The following RYR3 variants were observed in gnomAD, a reference collection of about 807,000 sequenced individuals.
RYR3 encodes the protein ryanodine receptor 3.
In RYR3, 207 loss-of-function variants were observed where a neutral mutation model predicts 584.3. That is an observed-to-expected ratio of 0.35 (90% CI 0.32 to 0.40). RYR3 has a LOEUF of 0.40. Ranked by LOEUF, RYR3 falls within the 10% of genes least tolerant of loss-of-function variation. The probability of loss-of-function intolerance (pLI) is 1.00; values close to 1 mark genes in which losing one functional copy is unlikely to be tolerated. For synonymous variants in RYR3, 2,416 were observed against 2,248.5 expected, an observed-to-expected ratio of 1.07 and a Z score of -2.11; for missense variants, 5,616 against 6,089.2, an observed-to-expected ratio of 0.92 and a Z score of 2.59.
intron 42 of RYR3, among the ~76,000 whole-genome samples, chr15:33,704,628 A>G (rs1031146749): frequency 6.6e-6 from 1 of 152,236 alleles, no homozygotes; most frequent in Admixed American, 6.5e-5. Context: ...TTTAGGTGGT[A>G]TGACGATAAC....
chr15:33,789,142 G>A (rs935155351), intron 67 of RYR3, among the ~76,000 whole-genome samples: 1 of 152,046 alleles, frequency 6.6e-6, no homozygotes, highest in Non-Finnish European at 1.5e-5. Flanking sequence ...GGACCAAAAG[G>A]AGGCCAGTGT....
At chr15:33,705,422 T>C (rs2066630024) in intron 42 of RYR3, among the ~76,000 whole-genome samples, 1 of 147,120 alleles carries the variant, frequency 6.8e-6, no homozygotes, top group South Asian at 2.2e-4. Context: ...TGCTAGGCCC[T>C]GGAGGTTAAA....
rs117390738 is a variant in RYR3, at chr15:33,753,144, C to G, written c.8400-1921C>G. Among the ~76,000 whole-genome samples, 363 of 152,252 alleles carry G rather than the reference C, an allele frequency of 2.4e-3. 1 individual carries two copies. The highest frequency in any genetic ancestry group is 6.8e-3 in the Middle Eastern group (2 of 294). The stretch of plus-strand genomic sequence containing the variant: ...TCACCCATACCTAATTCAAAAATTA[C>G]GTATTTGGAAGCCTGCAATTGCAGG... On this transcript the variant is annotated intron_variant, in intron 57 of 103. Transcript: ENST00000634891.
chr15:33,444,482 A>G (rs8023659), intron 1 of RYR3, among the ~76,000 whole-genome samples: 20,679 of 152,108 alleles, frequency 0.14, 2,600 homozygotes, highest in African/African-American at 0.34. Flanking sequence ...TGTGCACATA[A>G]CTTAGCGCTA....
chr15:33,855,137 C>T (rs1567333544), intron 98 of RYR3, among the ~76,000 whole-genome samples: 1 of 152,094 alleles, frequency 6.6e-6, no homozygotes, highest in Non-Finnish European at 1.5e-5. Flanking sequence ...GATTCAGTGA[C>T]CCCTGACATT....
chr15:33,769,034 T>G (rs2073349789), intron 61 of RYR3, 78 bp from the exon 62 acceptor site: 1 of 1,065,696 alleles, frequency 9.4e-7, no homozygotes, highest in Non-Finnish European at 1.5e-6. Flanking sequence ...GGCTGTGGCT[T>G]GTGCATATGG....
chr15:33,731,097 A>G (rs754088002), intron 47 of RYR3, among the ~76,000 whole-genome samples: 5 of 152,220 alleles, frequency 3.3e-5, no homozygotes, highest in Non-Finnish European at 7.3e-5. Context: ...ATAGTAATGT[A>G]GTATCCTGGC....
At chr15:33,628,606 G>A in intron 21 of RYR3, 31 bp downstream of exon 21, 10 of 1,386,268 alleles carry the variant, frequency 7.2e-6, no homozygotes, top group Non-Finnish European at 1.0e-5. Context: ...TTAGGGTGGA[G>A]GGTGGGATTG....
intron 1 of RYR3, among the ~76,000 whole-genome samples, chr15:33,432,042 C>T (rs908554813): frequency 6.6e-6 from 1 of 152,118 alleles, no homozygotes; most frequent in Non-Finnish European, 1.5e-5. Context: ...TCATTGTTTA[C>T]CTTGCCTTCA....
chr15:33,712,760 G>T (rs2067214471), intron 43 of RYR3, among the ~76,000 whole-genome samples: 1 of 152,222 alleles, frequency 6.6e-6, no homozygotes, highest in Admixed American at 6.5e-5. Context: ...TTGGAGTAGA[G>T]AATGGAGTAA....
intron 2 of RYR3, among the ~76,000 whole-genome samples, chr15:33,488,646 A>T (rs1351780736): frequency 2.0e-5 from 3 of 152,082 alleles, no homozygotes; most frequent in Non-Finnish European, 4.4e-5. Flanking sequence ...AGGTCAGGAG[A>T]TCGAGACCAT....
chr15:33,833,127 A>G (rs2077806015), intron 86 of RYR3, among the ~76,000 whole-genome samples: 1 of 152,184 alleles, frequency 6.6e-6, no homozygotes, highest in Non-Finnish European at 1.5e-5. Flanking sequence ...AGATAGGATT[A>G]TGCGTGGCTT....
At chr15:33,739,577 G>T (rs1202352493) in intron 50 of RYR3, among the ~76,000 whole-genome samples, 1 of 135,360 alleles carries the variant, frequency 7.4e-6, no homozygotes, top group Admixed American at 7.5e-5. Context: ...TCATTTAGGA[G>T]ATATTGATTT....
intron 2 of RYR3, among the ~76,000 whole-genome samples, chr15:33,491,987 C>T (rs1380647350): frequency 6.6e-6 from 1 of 152,224 alleles, no homozygotes; most frequent in East Asian, 1.9e-4. Context: ...AACCTCCATA[C>T]TTACAGTTCT....
intron 1 of RYR3, among the ~76,000 whole-genome samples, chr15:33,361,812 C>T (rs4780111): frequency 0.14 from 21,384 of 152,194 alleles, 1,619 homozygotes; most frequent in Admixed American, 0.19. Flanking sequence ...ACAACCTACT[C>T]CCAGTGACTT....
chr15:33,850,867 TCTTA>T (rs1377102252), intron 94 of RYR3: 3 of 152,016 alleles, frequency 2.0e-5, no homozygotes, highest in African/African-American at 7.3e-5. Flanking sequence ...TAATATTAAT[TCTTA>T]AATAATTAGC....
At position 33,534,627 on chromosome 15, in the gene RYR3, A is replaced by G. The variant is rs117200755; in HGVS notation, c.433+1238A>G. Reference sequence around the variant, plus strand: ...GGAAACCAAAAATAAAGAACCGAGGACTAAGATAATAATCTACAGATATTC... The same window carrying G: ...GGAAACCAAAAATAAAGAACCGAGGGCTAAGATAATAATCTACAGATATTC... On this transcript the variant is annotated intron_variant, in intron 5 of 103. Transcript: ENST00000634891. 2.1e-4 allele frequency among the ~76,000 whole-genome samples: 32 copies of G among 152,354 alleles called. No homozygotes were observed. The East Asian group carries it at 6.0e-3, about 28-fold the overall frequency.
At chr15:33,591,448 A>T (rs1286083163) in intron 16 of RYR3, among the ~76,000 whole-genome samples, 1 of 152,204 alleles carries the variant, frequency 6.6e-6, no homozygotes, top group African/African-American at 2.4e-5. Flanking sequence ...ATGTTTGTTG[A>T]AGGTTTAATA....
chr15:33,317,193 T>C (rs992260835), intron 1 of RYR3, among the ~76,000 whole-genome samples: 9 of 152,312 alleles, frequency 5.9e-5, no homozygotes, highest in African/African-American at 2.2e-4. Context: ...TCCTGTTTCT[T>C]TTATGAGCCC....
Sources: gnomAD v4.1 joint callset for allele counts (sites outside exome capture counted in the v4.1 genomes callset) on GRCh38, gnomAD v4.1.1 for gene constraint, MANE v1.5 for transcripts, NCBI Gene and HGNC (gene_info 2026-07-23, HGNC 2026-07-21) for gene names.